The following LRFN5 variants were observed in gnomAD, a reference collection of about 807,000 sequenced individuals.
LRFN5 encodes leucine rich repeat and fibronectin type III domain containing 5.
In LRFN5, 24 loss-of-function variants were observed where a neutral mutation model predicts 45.6. That is an observed-to-expected ratio of 0.53 (90% CI 0.38 to 0.74). LRFN5 has a LOEUF of 0.74. Ranked by LOEUF, LRFN5 falls within the 30% of genes least tolerant of loss-of-function variation. LRFN5 has a pLI of 0.00. For missense variants in LRFN5, 776 were observed against 861.5 expected (o/e 0.90, Z 1.24); for synonymous variants, 340 against 313.8 (o/e 1.08, Z -0.88).
rs929748774 is a variant in LRFN5 at position 41,904,150 on chromosome 14, C to G, written c.2143-8C>G. On this transcript the variant is annotated splice_polypyrimidine_tract_variant and splice_region_variant and intron_variant, in intron 5 of 5. Transcript: ENST00000298119. ...CTTTTTTTCCTTTTTCTTTTTCTTTCATTTCAGAGGCTGGAGTTAATCTGA... is the reference window on the plus strand; with the variant it reads ...CTTTTTTTCCTTTTTCTTTTTCTTTGATTTCAGAGGCTGGAGTTAATCTGA... The G allele has an allele frequency of 1.6e-5, 25 of 1,588,778 alleles. No homozygotes were observed. The highest frequency in any genetic ancestry group is 2.1e-5 in the Non-Finnish European group (25 of 1,168,160).
chr14:41,766,567 TATG>T (rs1885890928), intron 1 of LRFN5, among the ~76,000 whole-genome samples: 2 of 152,208 alleles, frequency 1.3e-5, no homozygotes, highest in South Asian at 2.1e-4. Flanking sequence ...TTAATTTAAA[TATG>T]ATGAAATCGA....
chr14:41,714,546 T>C (rs1483889766), intron 1 of LRFN5, among the ~76,000 whole-genome samples: 2 of 152,096 alleles, frequency 1.3e-5, no homozygotes, highest in Non-Finnish European at 2.9e-5. Flanking sequence ...CTAATTTAAT[T>C]GGACAGACGT....
intron 1 of LRFN5, among the ~76,000 whole-genome samples, chr14:41,645,329 G>A (rs1879765597): frequency 6.6e-6 from 1 of 152,116 alleles, no homozygotes. Flanking sequence ...CCGCCTCCCA[G>A]GTTCAAGTGG....
At chr14:41,612,211 C>T (rs145230260) in intron 1 of LRFN5, among the ~76,000 whole-genome samples, 1 of 152,030 alleles carries the variant, frequency 6.6e-6, no homozygotes, top group African/African-American at 2.4e-5. Flanking sequence ...AGGTATCTAA[C>T]AATATTTCTG....
intron 2 of LRFN5, among the ~76,000 whole-genome samples, chr14:41,791,599 T>G (rs1383760657): frequency 1.3e-5 from 2 of 152,088 alleles, no homozygotes; most frequent in Non-Finnish European, 2.9e-5. Context: ...TGAATAGTAC[T>G]TAGGTTGATA....
chr14:41,753,461 C>A (rs1040833028), intron 1 of LRFN5, among the ~76,000 whole-genome samples: 10 of 152,134 alleles, frequency 6.6e-5, no homozygotes, highest in Admixed American at 3.9e-4. Context: ...GTTTGTAGTT[C>A]TCCTTGAAGA....
chr14:41,848,669 T>C (rs1889155001), intron 2 of LRFN5, among the ~76,000 whole-genome samples: 2 of 152,056 alleles, frequency 1.3e-5, no homozygotes, highest in Non-Finnish European at 2.9e-5. Flanking sequence ...GGTTTTTCTG[T>C]AGAATTGGAA....
chr14:41,660,967 A>G (rs1263650335), intron 1 of LRFN5, among the ~76,000 whole-genome samples: 1 of 150,980 alleles, frequency 6.6e-6, no homozygotes, highest in Non-Finnish European at 1.5e-5. Flanking sequence ...TCTTGGGTTT[A>G]TTGCGCTTAT....
At chr14:41,742,444 GA>G (rs1453053014) in intron 1 of LRFN5, among the ~76,000 whole-genome samples, 11 of 151,886 alleles carry the variant, frequency 7.2e-5, no homozygotes, top group Non-Finnish European at 2.9e-5. Flanking sequence ...GCCAGTCATA[GA>G]AAGACAAATA....
chr14:41,621,581 C>A (rs369017666), intron 1 of LRFN5, among the ~76,000 whole-genome samples: 1 of 152,046 alleles, frequency 6.6e-6, no homozygotes, highest in African/African-American at 2.4e-5. Flanking sequence ...TGTTGGAGTT[C>A]AGGTTCTGTA....
rs74045173 is a variant in LRFN5, at chr14:41,616,874, A to G, written c.-197+8312A>G. ...TGCAGAAGACCCTTGGGACCAATCCAAGATATGTTTAAGGCAGTTTATAAA... is the reference window on the plus strand; with the variant it reads ...TGCAGAAGACCCTTGGGACCAATCCGAGATATGTTTAAGGCAGTTTATAAA... On this transcript the variant is annotated intron_variant, in intron 1 of 5. Transcript: ENST00000298119. 5.0e-3 allele frequency among the ~76,000 whole-genome samples: 768 copies of G among 152,260 alleles called. 4 individuals carry two copies. The highest frequency in any genetic ancestry group is 0.018 in the African/African-American group (745 of 41,566).
intron 2 of LRFN5, among the ~76,000 whole-genome samples, chr14:41,767,403 A>G (rs570463719): frequency 6.6e-6 from 1 of 152,320 alleles, no homozygotes; most frequent in East Asian, 1.9e-4. Flanking sequence ...TTGCTTGGCT[A>G]ATAAACTATG....
chr14:41,869,146 T>G (rs1889933434), intron 2 of LRFN5, among the ~76,000 whole-genome samples: 1 of 152,170 alleles, frequency 6.6e-6, no homozygotes, highest in African/African-American at 2.4e-5. Flanking sequence ...CTTTGTAGTA[T>G]TTTCTTGTTC....
chr14:41,641,172 C>T (rs539419290), intron 1 of LRFN5, among the ~76,000 whole-genome samples: 9 of 152,134 alleles, frequency 5.9e-5, no homozygotes, highest in East Asian at 1.9e-4. Flanking sequence ...TGATAATTCC[C>T]GGAGACAGGA....
At chr14:41,610,455 G>A (rs943301487) in intron 1 of LRFN5, among the ~76,000 whole-genome samples, 3 of 150,734 alleles carry the variant, frequency 2.0e-5, no homozygotes, top group Admixed American at 6.6e-5. Flanking sequence ...ATTTATACCC[G>A]TATTGTTTCT....
intron 1 of LRFN5, among the ~76,000 whole-genome samples, chr14:41,756,233 A>G (rs987533251): frequency 3.3e-5 from 5 of 152,050 alleles, no homozygotes; most frequent in Non-Finnish European, 7.4e-5. Context: ...TGAATCTGAC[A>G]ATTATGTGTC....
intron 2 of LRFN5, among the ~76,000 whole-genome samples, chr14:41,782,072 TA>T (rs963068396): frequency 6.6e-6 from 1 of 151,926 alleles, no homozygotes; most frequent in Non-Finnish European, 1.5e-5. Context: ...GTCTTTAATT[TA>T]AAAAAAATTA....
chr14:41,898,943 A>T lies in LRFN5; in HGVS notation c.2125A>T (p.Ile709Phe). The change falls in exon 5 of 6, where the codon ATT becomes TTT. Residue 709 changes from isoleucine (I) to phenylalanine (F), a missense_variant. By Grantham distance (21) the Ile-to-Phe change is conservative. This residue lies in a region of LRFN5 where 465 missense variants were observed against 456.4 expected (regional missense o/e 1.02). Coordinates refer to ENST00000298119, the MANE Select transcript of LRFN5 (RefSeq NM_152447.5). ...TGCTTTGCTGACTAATGTTGACCAGATTGTCCAGGAAACACAGGTGAGATT... is the reference window on the plus strand; with the variant it reads ...TGCTTTGCTGACTAATGTTGACCAGTTTGTCCAGGAAACACAGGTGAGATT... ...PNALLTNVDQ[I>F]VQETQRLELI 3 of 1,611,418 alleles carry T rather than the reference A, an allele frequency of 1.9e-6. No homozygotes were observed. Among genetic ancestry groups the T allele is most frequent in the South Asian group, 1.1e-5 (1 of 90,644 alleles).
intron 2 of LRFN5, among the ~76,000 whole-genome samples, chr14:41,870,526 C>A (rs1473609130): frequency 6.6e-6 from 1 of 152,050 alleles, no homozygotes; most frequent in Non-Finnish European, 1.5e-5. Flanking sequence ...GGGGAACTCC[C>A]CTTTATAAAA....
Sources: gnomAD v4.1 joint callset for allele counts (sites outside exome capture counted in the v4.1 genomes callset) on GRCh38, gnomAD v4.1.1 for gene constraint, gnomAD v4.1.1 regional missense constraint, MANE v1.5 for transcripts, NCBI Gene and HGNC (gene_info 2026-07-23, HGNC 2026-07-21) for gene names.